Variants in CATSPERT observed in about 807,000 individuals in gnomAD.
CATSPERT encodes the protein catsper channel auxiliary subunit tau.
the CATSPERT span, among the ~76,000 whole-genome samples, chr2:201,529,733 G>C: frequency 0.61 from 93,087 of 151,972 alleles, 30,312 homozygotes; most frequent in East Asian, 0.95. Flanking sequence ...ATGCAGGCAC[G>C]AAAAGCAAAA....
chr2:201,506,656 C>A, the CATSPERT span, among the ~76,000 whole-genome samples: 1 of 152,166 alleles, frequency 6.6e-6, no homozygotes, highest in South Asian at 2.1e-4. Flanking sequence ...TGGGTTCAAG[C>A]GATTCTCCTG....
At chr2:201,538,850 G>T in the CATSPERT span, among the ~76,000 whole-genome samples, 1 of 152,018 alleles carries the variant, frequency 6.6e-6, no homozygotes, top group Non-Finnish European at 1.5e-5. Context: ...CCCAGTGTGT[G>T]TTGTTCCCCT....
At chr2:201,489,319 G>C in the CATSPERT span, among the ~76,000 whole-genome samples, 1 of 152,092 alleles carries the variant, frequency 6.6e-6, no homozygotes, top group Non-Finnish European at 1.5e-5. Flanking sequence ...TTGTATTAAA[G>C]ATTCCATTTG....
At chr2:201,542,069 T>C in the CATSPERT span, among the ~76,000 whole-genome samples, 1 of 152,184 alleles carries the variant, frequency 6.6e-6, no homozygotes, top group African/African-American at 2.4e-5. Context: ...AGCAATTAAG[T>C]ATTTTTTAAT....
At chr2:201,618,704 A>T in the CATSPERT span, among the ~76,000 whole-genome samples, 1 of 151,650 alleles carries the variant, frequency 6.6e-6, no homozygotes, top group Non-Finnish European at 1.5e-5. Context: ...AACTTAAAGT[A>T]TAATAAAAAA....
the CATSPERT span, among the ~76,000 whole-genome samples, chr2:201,584,301 T>C: frequency 6.6e-6 from 1 of 151,280 alleles, no homozygotes; most frequent in East Asian, 2.0e-4. Context: ...ATAAAACTAA[T>C]AGTAATAAAA....
chr2:201,614,397 C>A, the CATSPERT span, among the ~76,000 whole-genome samples: 2 of 152,214 alleles, frequency 1.3e-5, no homozygotes, highest in East Asian at 3.9e-4. Context: ...AGAGTGGGGG[C>A]CAATATTCAA....
At chr2:201,523,698 A>G in the CATSPERT span, among the ~76,000 whole-genome samples, 1 of 152,228 alleles carries the variant, frequency 6.6e-6, no homozygotes, top group South Asian at 2.1e-4. Flanking sequence ...CAGCAAAGTC[A>G]TCAAGATTCA....
the CATSPERT span, among the ~76,000 whole-genome samples, chr2:201,562,748 T>C: frequency 2.2e-5 from 3 of 134,282 alleles, no homozygotes; most frequent in African/African-American, 8.4e-5. Flanking sequence ...AAGCATCTGT[T>C]TAACAAAGCA....
At chr2:201,565,470 G>A in the CATSPERT span, among the ~76,000 whole-genome samples, 5 of 152,104 alleles carry the variant, frequency 3.3e-5, no homozygotes, top group Admixed American at 2.6e-4. Flanking sequence ...GTGACAGAGT[G>A]AGACACTGTT....
chr2:201,601,795 T>C, the CATSPERT span: 1 of 1,612,556 alleles, frequency 6.2e-7, no homozygotes, highest in East Asian at 2.2e-5. Context: ...TTCTCATCGT[T>C]TTTGGATAGC....
At chr2:201,561,194 G>A in the CATSPERT span, among the ~76,000 whole-genome samples, 1 of 152,172 alleles carries the variant, frequency 6.6e-6, no homozygotes. Context: ...GCAATAGGAA[G>A]AGAATACAAC....
At chr2:201,555,637 C>G in the CATSPERT span, 2 of 152,186 alleles carry the variant, frequency 1.3e-5, no homozygotes, top group Non-Finnish European at 1.5e-5. Flanking sequence ...TGCCCATGCC[C>G]TCACCTCATC....
the CATSPERT span, among the ~76,000 whole-genome samples, chr2:201,596,733 C>T: frequency 1.3e-5 from 2 of 152,096 alleles, no homozygotes; most frequent in Non-Finnish European, 2.9e-5. Flanking sequence ...TTCACAGATC[C>T]TTTCTCTTAC....
chr2:201,593,945 G>C, the CATSPERT span, among the ~76,000 whole-genome samples: 3 of 151,980 alleles, frequency 2.0e-5, no homozygotes, highest in African/African-American at 7.3e-5. Flanking sequence ...TTGCCAGTCT[G>C]TGTCTTTTAA....
chr2:201,585,418 A>C, the CATSPERT span, among the ~76,000 whole-genome samples: 1 of 152,016 alleles, frequency 6.6e-6, no homozygotes, highest in Non-Finnish European at 1.5e-5. Flanking sequence ...AAAAAAAAAA[A>C]AAAAGACCAG....
At chr2:201,576,661 G>A in the CATSPERT span, among the ~76,000 whole-genome samples, 2 of 152,214 alleles carry the variant, frequency 1.3e-5, no homozygotes, top group East Asian at 1.9e-4. Context: ...GCTTGAGCCT[G>A]TGTGCCCACG....
the CATSPERT span, among the ~76,000 whole-genome samples, chr2:201,597,002 T>G: frequency 1.3e-5 from 2 of 152,248 alleles, no homozygotes; most frequent in Non-Finnish European, 2.9e-5. Context: ...TGGTAATTTT[T>G]TATTCTATGA....
chr2:201,619,068 G>A, the CATSPERT span: 1 of 1,614,048 alleles, frequency 6.2e-7, no homozygotes, highest in Non-Finnish European at 8.5e-7. Context: ...ACAGGACTTG[G>A]ACCTGCCCGC....
Sources: gnomAD v4.1 joint callset for allele counts (sites outside exome capture counted in the v4.1 genomes callset) on GRCh38, gnomAD v4.1.1 for gene constraint, MANE v1.5 for transcripts, NCBI Gene and HGNC (gene_info 2026-07-23, HGNC 2026-07-21) for gene names.